Variants in RCAN2 observed in about 807,000 individuals in gnomAD.
The protein encoded by RCAN2 is regulator of calcineurin 2, also known as calcipressin-2.
A neutral mutation model predicts 23.6 loss-of-function variants in RCAN2; 9 were observed. The observed-to-expected ratio is 0.38, with a 90% CI of 0.23 to 0.67. The LOEUF (loss-of-function observed/expected upper bound fraction) is 0.67. Among genes scored for constraint, RCAN2 ranks in the 30% least tolerant of loss-of-function variants. RCAN2 has a pLI of 0.51. For synonymous variants in RCAN2, 109 were observed against 115.7 expected, an observed-to-expected ratio of 0.94 and a Z score of 0.37; for missense variants, 273 against 302.3, an observed-to-expected ratio of 0.90 and a Z score of 0.72.
At chr6:46,468,937 T>G (rs1466500376) in intron 1 of RCAN2, 5 of 745,446 alleles carry the variant, frequency 6.7e-6, no homozygotes, top group Non-Finnish European at 8.2e-6. Context: ...AATTTGCTCT[T>G]GATCTGAAAG....
chr6:46,374,325 T>C, intron 2 of RCAN2, among the ~76,000 whole-genome samples: 1 of 152,222 alleles, frequency 6.6e-6, no homozygotes, highest in East Asian at 1.9e-4. Context: ...CAGGCCTCCC[T>C]AATTGCTCCT....
chr6:46,280,390 T>G (rs1456213186), intron 2 of RCAN2, among the ~76,000 whole-genome samples: 1 of 152,122 alleles, frequency 6.6e-6, no homozygotes, highest in South Asian at 2.1e-4. Context: ...CATTGAACCT[T>G]TGCAAGATGT....
intron 2 of RCAN2, among the ~76,000 whole-genome samples, chr6:46,396,769 A>T (rs1416870227): frequency 6.6e-6 from 1 of 152,202 alleles, no homozygotes; most frequent in African/African-American, 2.4e-5. Flanking sequence ...TCAAAGAGGC[A>T]TCTATCCCTT....
At chr6:46,439,207 T>C (rs1582202727) in intron 2 of RCAN2, among the ~76,000 whole-genome samples, 1 of 152,158 alleles carries the variant, frequency 6.6e-6, no homozygotes, top group South Asian at 2.1e-4. Flanking sequence ...CAAGGCTGGG[T>C]GCATTATAAA....
In RCAN2 at chr6:46,456,747, C is replaced by G; in HGVS notation, c.225+5G>C. 1 of 1,544,094 alleles carries G rather than the reference C, an allele frequency of 6.5e-7. No individual in the cohort carries two copies. The highest frequency in any genetic ancestry group is 8.8e-7 in the Non-Finnish European group (1 of 1,140,796). On this transcript the variant is annotated splice_donor_5th_base_variant and intron_variant, in intron 2 of 4. Transcript: ENST00000371374. ...ATGTTTTAGGAACAGAAAAAGGCAG[C>G]TTACCTTGCTCTCTTCTCCTTCAAA...
intron 2 of RCAN2, among the ~76,000 whole-genome samples, chr6:46,318,043 GA>G (rs1183737611): frequency 1.3e-5 from 2 of 152,196 alleles, no homozygotes; most frequent in African/African-American, 4.8e-5. Context: ...TGCCCACCTT[GA>G]TAACATATAA....
At chr6:46,372,177 C>G (rs1021743295) in intron 2 of RCAN2, among the ~76,000 whole-genome samples, 1 of 152,168 alleles carries the variant, frequency 6.6e-6, no homozygotes, top group Non-Finnish European at 1.5e-5. Context: ...ATGGAAAAGA[C>G]AAAAGGCTGA....
chr6:46,444,003 G>C (rs560076837), intron 2 of RCAN2, among the ~76,000 whole-genome samples: 3 of 152,234 alleles, frequency 2.0e-5, no homozygotes, highest in East Asian at 1.9e-4. Context: ...TTTAAGAAGA[G>C]TTTCATTTCA....
chr6:46,468,490 G>T (rs866348868), intron 1 of RCAN2, among the ~76,000 whole-genome samples: 5 of 152,146 alleles, frequency 3.3e-5, no homozygotes, highest in Non-Finnish European at 7.4e-5. Flanking sequence ...CACCACAGCC[G>T]CGCCAACGCC....
At chr6:46,248,686 G>A (rs1376506848) in intron 3 of RCAN2, 37 bp downstream of exon 3, 3 of 1,493,056 alleles carry the variant, frequency 2.0e-6, no homozygotes, top group East Asian at 2.3e-5. Context: ...AAATAATGTA[G>A]GGCAAAAAGA....
chr6:46,433,633 C>A (rs78557484), intron 2 of RCAN2, among the ~76,000 whole-genome samples: 2 of 152,252 alleles, frequency 1.3e-5, no homozygotes, highest in Non-Finnish European at 2.9e-5. Context: ...GGAATGCAGG[C>A]AACCTCTAGA....
intron 2 of RCAN2, among the ~76,000 whole-genome samples, chr6:46,385,593 A>G (rs987404063): frequency 9.9e-5 from 15 of 152,282 alleles, no homozygotes; most frequent in African/African-American, 3.6e-4. Context: ...ACAGTGGCTC[A>G]TGCCTGTAAT....
At chr6:46,354,895 ATATGTGTGTGTGTGTG>A (rs776002522) in intron 2 of RCAN2, among the ~76,000 whole-genome samples, 8 of 136,306 alleles carry the variant, frequency 5.9e-5, no homozygotes, top group South Asian at 2.5e-4. Flanking sequence ...AAAAGATTAT[ATATGTGTGTGTGTGTG>A]TGTGTGTGTG....
chr6:46,378,561 A>ACAAAT (rs1765540343), intron 2 of RCAN2, among the ~76,000 whole-genome samples: 1 of 152,206 alleles, frequency 6.6e-6, no homozygotes, highest in South Asian at 2.1e-4. Flanking sequence ...TGATGGTCCA[A>ACAAAT]CAAATCCTGT....
rs544125647 is a variant in RCAN2 at position 46,473,366 on chromosome 6, C to G, written c.-2-16388G>C. On this transcript the variant is annotated intron_variant, in intron 1 of 4. Coordinates refer to ENST00000371374, the MANE Select transcript of RCAN2 (RefSeq NM_001251974.2). ...ACACATGCACACACAAACACACACCCCTATCTCATACCTAGCATATAATAG... is the reference window on the plus strand; with the variant it reads ...ACACATGCACACACAAACACACACCGCTATCTCATACCTAGCATATAATAG... Among the ~76,000 whole-genome samples the G allele has an allele frequency of 7.2e-5, 11 of 152,192 alleles. No homozygotes were observed. In the East Asian group the frequency reaches 1.4e-3, roughly 19 times the overall value.
At chr6:46,236,351 T>C (rs937421870) in intron 4 of RCAN2, among the ~76,000 whole-genome samples, 1 of 152,138 alleles carries the variant, frequency 6.6e-6, no homozygotes, top group African/African-American at 2.4e-5. Flanking sequence ...TTTTCTCTCC[T>C]TTTTTTCCTC....
At chr6:46,452,404 A>G (rs1191920680) in intron 2 of RCAN2, among the ~76,000 whole-genome samples, 1 of 152,230 alleles carries the variant, frequency 6.6e-6, no homozygotes, top group African/African-American at 2.4e-5. Context: ...TTGTTGCATT[A>G]CATGTTCATG....
chr6:46,450,424 C>T (rs952065029), intron 2 of RCAN2, among the ~76,000 whole-genome samples: 13 of 152,030 alleles, frequency 8.6e-5, no homozygotes, highest in African/African-American at 3.1e-4. Context: ...ACCATTTAAT[C>T]CAACAATCCT....
At chr6:46,338,329 C>G (rs2150370947) in intron 2 of RCAN2, among the ~76,000 whole-genome samples, 1 of 152,292 alleles carries the variant, frequency 6.6e-6, no homozygotes, top group South Asian at 2.1e-4. Context: ...TGCTCCTGTG[C>G]TGCTATAAGT....
Sources: gnomAD v4.1 joint callset for allele counts (sites outside exome capture counted in the v4.1 genomes callset) on GRCh38, gnomAD v4.1.1 for gene constraint, MANE v1.5 for transcripts, NCBI Gene and HGNC (gene_info 2026-07-23, HGNC 2026-07-21) for gene names.